TANC2: variants seen among roughly 807,000 people sequenced by gnomAD.
TANC2 encodes protein TANC2.
TANC2 carries 26 observed loss-of-function variants against 210.5 expected under a neutral mutation model. That is an observed-to-expected ratio of 0.12 (90% CI 0.09 to 0.17). The LOEUF (loss-of-function observed/expected upper bound fraction) is 0.17. TANC2 is among the 10% of genes least tolerant of loss of function. The pLI is 1.00. For synonymous variants in TANC2, 931 were observed against 967.1 expected, an observed-to-expected ratio of 0.96 and a Z score of 0.69; for missense variants, 2,129 against 2,608.9, an observed-to-expected ratio of 0.82 and a Z score of 4.01.
intron 7 of TANC2, among the ~76,000 whole-genome samples, chr17:63,233,318 G>T (rs1447040204): frequency 6.6e-6 from 1 of 152,196 alleles, no homozygotes; most frequent in Non-Finnish European, 1.5e-5. Context: ...ACAGCTCTGT[G>T]CTTGGGACCC....
chr17:63,376,846 C>T (rs1011984342), intron 14 of TANC2, among the ~76,000 whole-genome samples: 2 of 137,626 alleles, frequency 1.5e-5, no homozygotes, highest in African/African-American at 5.5e-5. Flanking sequence ...TAGATGGAGT[C>T]TCACTCTGTT....
chr17:63,366,825 C>T (rs918260633), intron 14 of TANC2, among the ~76,000 whole-genome samples: 4 of 152,042 alleles, frequency 2.6e-5, no homozygotes, highest in African/African-American at 9.7e-5. Context: ...ATGAGAAAGC[C>T]ATGAAAAAAT....
chr17:63,338,336 T>G (rs964456513), intron 11 of TANC2, among the ~76,000 whole-genome samples: 10 of 151,844 alleles, frequency 6.6e-5, no homozygotes, highest in Middle Eastern at 6.8e-3. Context: ...CACAGATGGG[T>G]TTTTTTTAAT....
chr17:63,079,852 C>G (rs2036707079), intron 3 of TANC2, among the ~76,000 whole-genome samples: 1 of 152,140 alleles, frequency 6.6e-6, no homozygotes, highest in African/African-American at 2.4e-5. Context: ...GATTTTGACT[C>G]AAACATGCTC....
chr17:63,314,364 T>A (rs1403986757), intron 9 of TANC2, 24 bp from the exon 10 acceptor site: 1 of 1,608,532 alleles, frequency 6.2e-7, no homozygotes, highest in South Asian at 1.1e-5. Flanking sequence ...TGACCTAAGT[T>A]CTGCATTCTC....
chr17:63,138,046 C>G (rs1449778134), intron 4 of TANC2, among the ~76,000 whole-genome samples: 2 of 152,144 alleles, frequency 1.3e-5, no homozygotes, highest in Non-Finnish European at 2.9e-5. Context: ...AAGTGTGTCA[C>G]ATGACTGAGC....
At position 63,145,806 on chromosome 17, in the gene TANC2, A is replaced by G. The variant is rs140839137; in HGVS notation, c.323-5464A>G. 1.0e-2 allele frequency among the ~76,000 whole-genome samples: 1,519 copies of G among 152,178 alleles called. 9 individuals are homozygous for G. Among genetic ancestry groups the G allele is most frequent in the Non-Finnish European group, 0.013 (894 of 67,966 alleles). ...ACTGTTTAGACTACTATAGCTTTGT[A>G]GTAAGTTTTGAAATCAGAAAGTGTG... On this transcript the variant is annotated intron_variant, in intron 4 of 27. Transcript: ENST00000689528.
intron 2 of TANC2, among the ~76,000 whole-genome samples, chr17:63,016,427 A>G (rs1269894324): frequency 6.6e-6 from 1 of 152,156 alleles, no homozygotes; most frequent in Non-Finnish European, 1.5e-5. Flanking sequence ...AAATTTTTTT[A>G]TGGCTGAATA....
At chr17:63,259,550 G>A (rs990327473) in intron 8 of TANC2, among the ~76,000 whole-genome samples, 12 of 151,972 alleles carry the variant, frequency 7.9e-5, no homozygotes, top group South Asian at 2.1e-4. Flanking sequence ...CCTTAATACA[G>A]CATTTTGCTG....
intron 9 of TANC2, among the ~76,000 whole-genome samples, chr17:63,281,431 A>G (rs767314341): frequency 6.6e-6 from 1 of 152,132 alleles, no homozygotes; most frequent in Admixed American, 6.6e-5. Flanking sequence ...TGAACCATAT[A>G]TGTATAGAAG....
chr17:63,158,195 A>T (rs1326994002), intron 5 of TANC2, among the ~76,000 whole-genome samples: 2 of 152,062 alleles, frequency 1.3e-5, no homozygotes, highest in East Asian at 3.8e-4. Flanking sequence ...TTAGCTGGTG[A>T]CTTTTATTTA....
intron 17 of TANC2, among the ~76,000 whole-genome samples, chr17:63,392,170 G>T (rs774660941): frequency 1.3e-5 from 2 of 152,134 alleles, no homozygotes; most frequent in Non-Finnish European, 2.9e-5. Flanking sequence ...AGGCTTTGGC[G>T]TCAAACCCGA....
intron 13 of TANC2, among the ~76,000 whole-genome samples, chr17:63,353,912 A>T (rs1393251229): frequency 6.6e-6 from 1 of 152,112 alleles, no homozygotes; most frequent in Non-Finnish European, 1.5e-5. Context: ...CATTTCAGTG[A>T]GGTGGTGAGG....
At chr17:63,089,415 G>A (rs2037098017) in intron 3 of TANC2, among the ~76,000 whole-genome samples, 2 of 152,146 alleles carry the variant, frequency 1.3e-5, no homozygotes, top group South Asian at 4.1e-4. Context: ...ATCAGGTAAT[G>A]ATAAGTGCTG....
intron 4 of TANC2, chr17:63,149,087 T>C (rs1432148174): frequency 2.0e-5 from 3 of 152,142 alleles, no homozygotes; most frequent in African/African-American, 7.2e-5. Flanking sequence ...GCTATAAAGA[T>C]AACCTCAGTT....
In TANC2 at chr17:63,418,506, C is replaced by A; in HGVS notation, c.4268+99C>A. On this transcript the variant is annotated intron_variant, in intron 27 of 27. Transcript: ENST00000689528. The surrounding 1 kb of genome is among the most constrained non-coding windows in gnomAD (Gnocchi z 4.6). Reference sequence around the variant, plus strand: ...CTGGGGCATATGTACCCAAATACATCTCTGTCCTTGAGAACTGTCAGGGCC... The same window carrying A: ...CTGGGGCATATGTACCCAAATACATATCTGTCCTTGAGAACTGTCAGGGCC... 9.6e-7 allele frequency: 1 copy of A among 1,038,474 alleles called. No homozygotes were observed. Among genetic ancestry groups the A allele is most frequent in the South Asian group, 1.5e-5 (1 of 67,044 alleles). 64.3% of individuals were successfully genotyped at this position (1,038,474 alleles called of 1,614,324 possible).
At chr17:62,994,003 A>G (rs2032991135) in intron 1 of TANC2, among the ~76,000 whole-genome samples, 1 of 152,050 alleles carries the variant, frequency 6.6e-6, no homozygotes, top group South Asian at 2.1e-4. Context: ...TATTAGCTCT[A>G]ATAGTTTTTT....
chr17:63,294,608 T>C (rs1378660186), intron 9 of TANC2, among the ~76,000 whole-genome samples: 1 of 152,248 alleles, frequency 6.6e-6, no homozygotes, highest in Non-Finnish European at 1.5e-5. Flanking sequence ...GGAAGAATTT[T>C]ACAACAAACA....
At chr17:63,257,170 C>G (rs1567859044) in intron 8 of TANC2, among the ~76,000 whole-genome samples, 1 of 150,960 alleles carries the variant, frequency 6.6e-6, no homozygotes, top group African/African-American at 2.4e-5. Flanking sequence ...TGAGGAAAGA[C>G]TTACTCCTGC....
Sources: allele counts gnomAD v4.1 joint callset (sites outside exome capture counted in the v4.1 genomes callset), GRCh38; gene constraint gnomAD v4.1.1; non-coding constraint Gnocchi (gnomAD v3.1); transcripts MANE v1.5; gene names NCBI Gene and HGNC (gene_info 2026-07-23, HGNC 2026-07-21).